MTMR9: variants seen among roughly 807,000 people sequenced by gnomAD.
MTMR9 encodes the protein myotubularin-related protein 9.
In MTMR9, 39 loss-of-function variants were observed where a neutral mutation model predicts 69.5. The observed-to-expected ratio is 0.56, with a 90% CI of 0.43 to 0.73. The LOEUF (loss-of-function observed/expected upper bound fraction) is 0.73. MTMR9 is among the 30% of genes least tolerant of loss of function. The pLI is 0.00. For missense variants in MTMR9, 900 were observed against 671.2 expected (o/e 1.34, Z -3.77); for synonymous variants, 354 against 240.8 (o/e 1.47, Z -4.35).
chr8:11,293,957 C>T (rs537425122), intron 1 of MTMR9, among the ~76,000 whole-genome samples: 39 of 152,238 alleles, frequency 2.6e-4, no homozygotes, highest in African/African-American at 8.9e-4. Flanking sequence ...TATAGTAAGC[C>T]TTGAAATTGT....
At chr8:11,314,670 A>T (rs754902060) in intron 6 of MTMR9, among the ~76,000 whole-genome samples, 1 of 152,224 alleles carries the variant, frequency 6.6e-6, no homozygotes, top group African/African-American at 2.4e-5. Context: ...TAACTTAAAG[A>T]GGTCTTGCCA....
intron 8 of MTMR9, chr8:11,317,977 C>G (rs111376952): frequency 6.6e-6 from 1 of 151,970 alleles, no homozygotes; most frequent in Admixed American, 6.6e-5. Flanking sequence ...ATCCTCCCCA[C>G]TTAGAGGGGA....
Position 11,324,339 on chromosome 8 carries a change from C to G in MTMR9, c.*1551C>G, listed in dbSNP as rs1800828091. 2 of 152,270 alleles carry G rather than the reference C, an allele frequency of 1.3e-5. No homozygotes were observed. Among genetic ancestry groups the G allele is most frequent in the Non-Finnish European group, 1.5e-5 (1 of 68,026 alleles). 9.4% of individuals were successfully genotyped at this position (152,270 alleles called of 1,614,324 possible). On this transcript the variant is annotated 3_prime_UTR_variant, in exon 10 of 10. Transcript: ENST00000221086. ...CAAAGGCTACACAGCAGCCCACAGT[C>G]CACAGTCTTTTTGGGAAAATTGGCC...
At chr8:11,289,285 T>C (rs1799297609) in intron 1 of MTMR9, among the ~76,000 whole-genome samples, 1 of 152,220 alleles carries the variant, frequency 6.6e-6, no homozygotes, top group African/African-American at 2.4e-5. Context: ...GTAAATGAGG[T>C]GAGAAAGTCA....
rs143368137 is a variant in MTMR9 at position 11,307,285 on chromosome 8, T to A, written c.809+878T>A. 8.0e-3 allele frequency among the ~76,000 whole-genome samples: 1,213 copies of A among 152,312 alleles called. 17 individuals carry two copies. Among genetic ancestry groups the A allele is most frequent in the African/African-American group, 0.027 (1,128 of 41,576 alleles). Reference sequence around the variant, plus strand: ...CCAGGTTTTGCCATGTTGGTCAGGCTGGTCTCGAACTCCTGACCTCAAGTG... The same window carrying A: ...CCAGGTTTTGCCATGTTGGTCAGGCAGGTCTCGAACTCCTGACCTCAAGTG... On this transcript the variant is annotated intron_variant, in intron 5 of 9. Transcript: ENST00000221086.
chr8:11,285,818 T>A (rs1003734265), intron 1 of MTMR9, among the ~76,000 whole-genome samples: 2 of 152,172 alleles, frequency 1.3e-5, no homozygotes, highest in African/African-American at 4.8e-5. Context: ...GAGGGCAAAC[T>A]GATTATCCGT....
intron 3 of MTMR9, 146 bp downstream of exon 3, chr8:11,300,294 C>T (rs1349452573): frequency 4.8e-6 from 4 of 830,190 alleles, no homozygotes; most frequent in Non-Finnish European, 5.5e-6. Flanking sequence ...GGATTGAAGC[C>T]ATGCAGAGTA....
downstream of MTMR9, among the ~76,000 whole-genome samples, chr8:11,329,089 A>G (rs949019056): frequency 2.4e-4 from 36 of 152,178 alleles, no homozygotes; most frequent in Admixed American, 2.4e-3. Flanking sequence ...ATTTGACCAT[A>G]TGCATATTCA....
intron 5 of MTMR9, among the ~76,000 whole-genome samples, chr8:11,307,544 A>G (rs1799985906): frequency 6.6e-6 from 1 of 152,158 alleles, no homozygotes; most frequent in South Asian, 2.1e-4. Context: ...TTCGTTTCCG[A>G]TATTCAAAAT....
chr8:11,320,546 T>TGGTGA, intron 9 of MTMR9: 1 of 150,264 alleles, frequency 6.7e-6, no homozygotes, highest in Middle Eastern at 3.4e-3. Flanking sequence ...CTGGCCAACA[T>TGGTGA]GGTGAAACCC....
At chr8:11,335,869 C>G in the MTMR9 span, among the ~76,000 whole-genome samples, 1 of 152,164 alleles carries the variant, frequency 6.6e-6, no homozygotes, top group Non-Finnish European at 1.5e-5. Context: ...CTCATCTCAA[C>G]TAATTACATC....
chr8:11,316,727 C>T lies in MTMR9; in HGVS notation c.1168C>T (p.Gln390Ter). Residue 390 changes from glutamine (Q) to a stop codon, truncating the protein, a stop_gained, in exon 8 of 10, where the codon CAG becomes TAG. Transcript: ENST00000221086. LOFTEE classifies it high-confidence loss of function. ...CAQSAYCNTK[Q>*]KWEAPVFLLF... ...ACAGTCAGCCTACTGTAACACCAAG[C>T]AGAAGTGGGAGGCTCCTGTATTTCT... 6 of 1,613,606 alleles carry T rather than the reference C, an allele frequency of 3.7e-6. No homozygotes were observed. Among genetic ancestry groups the T allele is most frequent in the Non-Finnish European group, 5.1e-6 (6 of 1,179,828 alleles).
At chr8:11,309,482 T>C (rs1204466492) in intron 5 of MTMR9, 45 bp from the exon 6 acceptor site, 2 of 1,536,728 alleles carry the variant, frequency 1.3e-6, no homozygotes, top group East Asian at 2.3e-5. Flanking sequence ...TCTTTATCTT[T>C]CTATTTTCTG....
chr8:11,326,961 C>T lies in MTMR9; in HGVS notation c.*4173C>T, dbSNP rs1294937272. ...CTCCAGCCTGGGCGAAAGGGCAAGA[C>T]TCCATCTCAAAAAAAAAAAAAAAAA... On this transcript the variant is annotated 3_prime_UTR_variant, in exon 10 of 10. Coordinates refer to ENST00000221086, the MANE Select transcript of MTMR9 (RefSeq NM_015458.4). 1 of 124,376 alleles carries T rather than the reference C, an allele frequency of 8.0e-6. No homozygotes were observed. Among genetic ancestry groups the T allele is most frequent in the Non-Finnish European group, 1.7e-5 (1 of 59,730 alleles). The allele number at this position is 124,376 out of a possible 1,614,324, so 7.7% of individuals were successfully genotyped here.
chr8:11,289,327 C>G (rs558469920), intron 1 of MTMR9, among the ~76,000 whole-genome samples: 2 of 152,226 alleles, frequency 1.3e-5, no homozygotes, highest in Non-Finnish European at 2.9e-5. Context: ...CTGCCTCTTA[C>G]TAGACAAGTG....
At chr8:11,331,691 G>A (rs564767008), downstream of MTMR9, 1 of 1,612,012 alleles carries the variant, frequency 6.2e-7, no homozygotes, top group East Asian at 2.2e-5. Flanking sequence ...GCTATGTGCA[G>A]GCTTTCCTGG....
chr8:11,295,767 G>A (rs568030786), intron 2 of MTMR9, among the ~76,000 whole-genome samples: 2 of 152,290 alleles, frequency 1.3e-5, no homozygotes, highest in East Asian at 3.9e-4. Context: ...CTTGAGGTTT[G>A]TTCAAGTAAA....
At chr8:11,294,162 AT>A (rs1310305366) in intron 1 of MTMR9, among the ~76,000 whole-genome samples, 2 of 152,202 alleles carry the variant, frequency 1.3e-5, no homozygotes, top group Non-Finnish European at 2.9e-5. Flanking sequence ...TTCTGGGTAC[AT>A]TTACACAATC....
chr8:11,308,103 A>G (rs904210679), intron 5 of MTMR9, among the ~76,000 whole-genome samples: 1 of 152,182 alleles, frequency 6.6e-6, no homozygotes, highest in African/African-American at 2.4e-5. Context: ...TCATATCCAA[A>G]ATAACTTTTC....
Sources: gnomAD v4.1 joint callset for allele counts (sites outside exome capture counted in the v4.1 genomes callset) on GRCh38, gnomAD v4.1.1 for gene constraint, MANE v1.5 for transcripts, NCBI Gene and HGNC (gene_info 2026-07-23, HGNC 2026-07-21) for gene names.